BRME1: variants seen among roughly 807,000 people sequenced by gnomAD.
BRME1 encodes the protein BRCA2 and MEILB2-associating protein 1.
BRME1 carries 31 observed loss-of-function variants against 52.6 expected under a neutral mutation model. The ratio of observed to expected loss-of-function variants is 0.59; its 90% CI spans 0.44 to 0.80. The LOEUF (loss-of-function observed/expected upper bound fraction) is 0.80. Ranked by LOEUF, BRME1 falls within the 30% of genes least tolerant of loss-of-function variation. The probability of loss-of-function intolerance (pLI) is 0.00; values close to 1 mark genes in which losing one functional copy is unlikely to be tolerated. For missense variants in BRME1, 804 were observed against 860.3 expected (o/e 0.93, Z 0.82); for synonymous variants, 359 against 353.6 (o/e 1.02, Z -0.17).
intron 3 of BRME1, 26 bp from the exon 4 acceptor site, chr19:13,893,249 G>A (rs1220552890): frequency 1.3e-6 from 2 of 1,554,552 alleles, no homozygotes; most frequent in Admixed American, 2.0e-5. Context: ...TAAAACTGAA[G>A]GAGATCTGCC....
chr19:13,898,923 CA>C (rs1159325305), intron 2 of BRME1, among the ~76,000 whole-genome samples: 4,299 of 67,710 alleles, frequency 0.063, 70 homozygotes, highest in Non-Finnish European at 0.076. Flanking sequence ...AACTCCATCT[CA>C]AAAAAAAAAA....
intron 7 of BRME1, chr19:13,884,854 G>T (rs1404979449): frequency 6.6e-6 from 1 of 152,304 alleles, no homozygotes; most frequent in Admixed American, 6.5e-5. Flanking sequence ...TGAGGTGTCT[G>T]GCAGCCCCTG....
rs766737643 is a variant in BRME1, at chr19:13,890,061, C to A, written c.795G>T (p.Leu265=). 47 of 1,613,488 alleles carry A rather than the reference C, an allele frequency of 2.9e-5. No individual in the cohort carries two copies. The highest frequency in any genetic ancestry group is 3.3e-4 in the Middle Eastern group (2 of 6,082). ...GGAQRTAGAG[L]PGGPQEEGDG... ...CTCCCTCCTCCTGGGGCCCTCCAGGCAGGCCAGCCCCTGCTGTCCTTTGGG... is the reference window on the plus strand; with the variant it reads ...CTCCCTCCTCCTGGGGCCCTCCAGGAAGGCCAGCCCCTGCTGTCCTTTGGG... The change falls in exon 6 of 9, where the codon CTG becomes CTT. Residue 265 remains leucine (L), a synonymous_variant. Transcript: ENST00000586783.
At chr19:13,901,535 C>T (rs1317388638) in intron 2 of BRME1, among the ~76,000 whole-genome samples, 1 of 151,740 alleles carries the variant, frequency 6.6e-6, no homozygotes, top group Non-Finnish European at 1.5e-5. Flanking sequence ...CCCGTCTCTA[C>T]TAAAAATGCA....
rs777958124 is a variant in BRME1 at position 13,895,518 on chromosome 19, T to C, written c.60A>G (p.Leu20=). 37 of 1,613,562 alleles carry C rather than the reference T, an allele frequency of 2.3e-5. No homozygotes were observed. In the Admixed American group the frequency reaches 6.2e-4, roughly 27 times the overall value. Residue 20 remains leucine, a synonymous_variant, in exon 3 of 9, where the codon CTA becomes CTG. Coordinates refer to ENST00000586783, the MANE Select transcript of BRME1 (RefSeq NM_001345843.2). ...AGAAGTCTCCTAGCCTTGGGTTCTT[T>C]AGGGGTTTTGGAGGACAGAGTCCCT... ...SGEGLCPPKP[L]KNPRLGDFYG...
Position 13,890,264 on chromosome 19 carries a change from C to T in BRME1, c.592G>A (p.Gly198Arg), listed in dbSNP as rs1409254006. Residue 198 changes from glycine (G) to arginine (R), a missense_variant, in exon 6 of 9, where the codon GGG (glycine) becomes AGG (arginine). Coordinates refer to ENST00000586783, the MANE Select transcript of BRME1 (RefSeq NM_001345843.2). ...DSQPDDPPDR[G>R]TGLSASQRAS... ...CTCTGTGAGGCGGACAACCCCGTCCCCCTGTCTGGAGGGTCATCAGGCTGA... is the reference window on the plus strand; with the variant it reads ...CTCTGTGAGGCGGACAACCCCGTCCTCCTGTCTGGAGGGTCATCAGGCTGA... The T allele has an allele frequency of 1.9e-6, 3 of 1,613,704 alleles. No homozygotes were observed. The African/African-American group carries it at 4.0e-5, about 22-fold the overall frequency.
Position 13,888,902 on chromosome 19 carries a change from C to A in BRME1, c.1668+286G>T, listed in dbSNP as rs1437233068. 2.6e-5 allele frequency among the ~76,000 whole-genome samples: 4 copies of A among 152,118 alleles called. No individual in the cohort carries two copies. The highest frequency in any genetic ancestry group is 4.4e-5 in the Non-Finnish European group (3 of 68,016). ...GCAGAAGCTGCCAGGGGCTGGCACTCCTGGGGACTCCAGTTCAATGTGGGG... is the reference window on the plus strand; with the variant it reads ...GCAGAAGCTGCCAGGGGCTGGCACTACTGGGGACTCCAGTTCAATGTGGGG... On this transcript the variant is annotated intron_variant, in intron 6 of 8. Coordinates refer to ENST00000586783, the MANE Select transcript of BRME1 (RefSeq NM_001345843.2). This position sits in a 1 kb window ranked among gnomAD's most constrained non-coding sequence, Gnocchi z 4.1.
At position 13,883,647 on chromosome 19, in the gene BRME1, C is replaced by T. The variant is rs575887804; in HGVS notation, c.1764-247G>A. ...CGCTGCTGCCACCGCCTCCCTATCT[C>T]CTGCCCCTGTGGCTTGTCCCCCACA... On this transcript the variant is annotated intron_variant, in intron 7 of 8. Transcript: ENST00000586783. The surrounding 1 kb of genome is among the most constrained non-coding windows in gnomAD (Gnocchi z 4.2). The T allele has an allele frequency of 2.5e-4, 116 of 468,402 alleles. No individual in the cohort carries two copies. Among genetic ancestry groups the T allele is most frequent in the Admixed American group, 1.1e-3 (31 of 27,990 alleles). The allele number at this position is 468,402 out of a possible 1,614,324, so 29.0% of individuals were successfully genotyped here.
chr19:13,899,000 C>T (rs977013408), intron 2 of BRME1, among the ~76,000 whole-genome samples: 2 of 150,932 alleles, frequency 1.3e-5, no homozygotes, highest in African/African-American at 2.4e-5. Context: ...CTCTACATTA[C>T]ACACTTACAC....
intron 2 of BRME1, among the ~76,000 whole-genome samples, chr19:13,903,352 T>C (rs1225475142): frequency 6.6e-6 from 1 of 151,938 alleles, no homozygotes; most frequent in Non-Finnish European, 1.5e-5. Context: ...TAGATGTCAG[T>C]ATAATTTCCC....
At chr19:13,894,709 A>G (rs1969756594) in intron 3 of BRME1, among the ~76,000 whole-genome samples, 1 of 152,050 alleles carries the variant, frequency 6.6e-6, no homozygotes, top group Non-Finnish European at 1.5e-5. Flanking sequence ...CACTGCACTC[A>G]GCCCTGATTG....
rs1448123225 is a variant in BRME1, at chr19:13,882,697, C to T, written c.*105G>A. ...CCATGGAAGACCAACTTCCGGGCAACTGAAGGGAGGTTTGTAGGGTCCACT... is the reference window on the plus strand; with the variant it reads ...CCATGGAAGACCAACTTCCGGGCAATTGAAGGGAGGTTTGTAGGGTCCACT... On this transcript the variant is annotated 3_prime_UTR_variant, in exon 9 of 9. Transcript: ENST00000586783. 2.0e-6 allele frequency: 3 copies of T among 1,478,472 alleles called. No individual in the cohort carries two copies. The highest frequency in any genetic ancestry group is 2.8e-6 in the Non-Finnish European group (3 of 1,084,450). 91.6% of individuals were successfully genotyped at this position (1,478,472 alleles called of 1,614,324 possible).
At chr19:13,904,111 CT>C (rs531058244) in intron 2 of BRME1, among the ~76,000 whole-genome samples, 90 of 146,930 alleles carry the variant, frequency 6.1e-4, no homozygotes, top group Admixed American at 7.5e-4. Flanking sequence ...TTCTTTCTTT[CT>C]TTTTTTTTTT....
rs200800152 is a variant in BRME1, at chr19:13,892,766, G to C, written c.393+20C>G. On this transcript the variant is annotated intron_variant, in intron 5 of 8. Coordinates refer to ENST00000586783, the MANE Select transcript of BRME1 (RefSeq NM_001345843.2). ...GCTGCACCTGCGCTGGGCTCAGCCT[G>C]GCTGATTTTAGAGCCTTACCAGGCT... 17 of 1,601,596 alleles carry C rather than the reference G, an allele frequency of 1.1e-5. No individual in the cohort carries two copies. Among genetic ancestry groups the C allele is most frequent in the Non-Finnish European group, 1.3e-5 (15 of 1,168,728 alleles).
intron 1 of BRME1, 80 bp from the exon 2 acceptor site, chr19:13,904,993 G>C: frequency 8.2e-7 from 1 of 1,214,438 alleles, no homozygotes; most frequent in Non-Finnish European, 1.2e-6. Flanking sequence ...TGAGAGCAGA[G>C]GTTACCCCTA....
intron 2 of BRME1, among the ~76,000 whole-genome samples, chr19:13,902,328 G>A (rs947360003): frequency 6.6e-6 from 1 of 151,742 alleles, no homozygotes; most frequent in African/African-American, 2.4e-5. Context: ...AACAGAGTGA[G>A]ACATCATCTT....
rs115158036 is a variant in BRME1, at chr19:13,897,537, G to A, written c.32-1991C>T. On this transcript the variant is annotated intron_variant, in intron 2 of 8. Transcript: ENST00000586783. ...TGCCTGCCTTACAGAAGTACCTTGA[G>A]CAATTCAATATTATCTTTGTCCATG... 7.7e-3 allele frequency among the ~76,000 whole-genome samples: 1,167 copies of A among 152,110 alleles called. 16 individuals are homozygous for A. The highest frequency in any genetic ancestry group is 0.027 in the African/African-American group (1,108 of 41,458).
chr19:13,883,347 T>C lies in BRME1; in HGVS notation c.1817A>G (p.Asn606Ser), dbSNP rs1021587608. The C allele has an allele frequency of 1.3e-6, 2 of 1,535,338 alleles. No homozygotes were observed. Among genetic ancestry groups the C allele is most frequent in the Admixed American group, 2.0e-5 (1 of 50,984 alleles). The change falls in exon 8 of 9, where the codon AAC becomes AGC. Residue 606 changes from asparagine (N) to serine (S), a missense_variant. Physicochemically the swap from Asn to Ser is conservative, Grantham distance 46 (BLOSUM62 1). This residue lies in a region of BRME1 where 552 missense variants were observed against 561.1 expected (regional missense o/e 0.98). Coordinates refer to ENST00000586783, the MANE Select transcript of BRME1 (RefSeq NM_001345843.2). This position sits in a 1 kb window ranked among gnomAD's most constrained non-coding sequence, Gnocchi z 4.2. ...SEASRMEDAT[N>S]VVRGLIVELS... The stretch of plus-strand genomic sequence containing the variant: ...CTCAACGATGAGGCCACGCACGACG[T>C]TGGTGGCATCCTCCATCCTGGAGGC...
rs1969640372 is a variant in BRME1, at chr19:13,893,195, AG to A, written c.234del (p.Cys79AlafsTer35). 1 of 1,589,384 alleles carries A rather than the reference AG, an allele frequency of 6.3e-7. No homozygotes were observed. The highest frequency in any genetic ancestry group is 1.2e-5 in the South Asian group (1 of 86,624). On this transcript the variant is annotated frameshift_variant, in exon 4 of 9. Coordinates refer to ENST00000586783, the MANE Select transcript of BRME1 (RefSeq NM_001345843.2). LOFTEE classifies it high-confidence loss of function. ...TTTTCTGGTTGACGGAGGAGCCGGC[AG>A]GGAGATCCTGTTTCCTCATCAGGGG... ...SSSPDEETGSPCRLLRQPEKE... is the reference protein window; with the variant it reads ...SSSPDEETGSXCRLLRQPEKE...
Sources: allele counts gnomAD v4.1 joint callset (sites outside exome capture counted in the v4.1 genomes callset), GRCh38; gene constraint gnomAD v4.1.1; regional missense constraint gnomAD v4.1.1; non-coding constraint Gnocchi (gnomAD v3.1); transcripts MANE v1.5; gene names NCBI Gene and HGNC (gene_info 2026-07-23, HGNC 2026-07-21).